ST8SIA1: variants seen among roughly 807,000 people sequenced by gnomAD.
ST8SIA1 encodes the protein ST8 alpha-N-acetyl-neuraminide alpha-2,8-sialyltransferase 1.
ST8SIA1 carries 16 observed loss-of-function variants against 35.9 expected under a neutral mutation model. The observed-to-expected ratio is 0.45, with a 90% CI of 0.30 to 0.68. ST8SIA1 has a LOEUF of 0.68. ST8SIA1 is among the 30% of genes least tolerant of loss of function. The pLI, the probability that ST8SIA1 is intolerant of heterozygous loss-of-function variation, is 0.09. For synonymous variants in ST8SIA1, 170 were observed against 169.6 expected, an observed-to-expected ratio of 1.00 and a Z score of -0.02; for missense variants, 383 against 453.6, an observed-to-expected ratio of 0.84 and a Z score of 1.41.
At chr12:22,216,941 T>A (rs1423542775) in intron 4 of ST8SIA1, among the ~76,000 whole-genome samples, 1 of 152,244 alleles carries the variant, frequency 6.6e-6, no homozygotes, top group African/African-American at 2.4e-5. Context: ...ACATTTTCTA[T>A]CACTGGCTTT....
chr12:22,298,841 G>C (rs1403828371), intron 1 of ST8SIA1, among the ~76,000 whole-genome samples: 1 of 152,156 alleles, frequency 6.6e-6, no homozygotes, highest in Non-Finnish European at 1.5e-5. Context: ...TGATAGAAAA[G>C]TGCAAAGGTA....
chr12:22,234,297 A>G (rs1565573547), intron 4 of ST8SIA1, among the ~76,000 whole-genome samples: 1 of 152,156 alleles, frequency 6.6e-6, no homozygotes, highest in African/African-American at 2.4e-5. Flanking sequence ...ACTATAAAGA[A>G]AAAAACACTG....
In ST8SIA1 at chr12:22,193,627, G is replaced by A. The variant is rs922785541; in HGVS notation, c.*7925C>T. 3 of 152,148 alleles carry A rather than the reference G, an allele frequency of 2.0e-5. No individual in the cohort carries two copies. The highest frequency in any genetic ancestry group is 7.2e-5 in the African/African-American group (3 of 41,432). The allele number at this position is 152,148 out of a possible 1,614,324, so 9.4% of individuals were successfully genotyped here. A position where few individuals can be genotyped will look rare whatever the true frequency, so the allele number is the denominator to read the frequency against. On this transcript the variant is annotated 3_prime_UTR_variant, in exon 5 of 5. Transcript: ENST00000396037. The stretch of plus-strand genomic sequence containing the variant: ...AGATACTAATTTTTCTAATCACACC[G>A]TAGAAAGTACCAATTAAAGTTTTCT...
At chr12:22,265,723 C>CCT (rs993852677) in intron 2 of ST8SIA1, among the ~76,000 whole-genome samples, 4 of 152,056 alleles carry the variant, frequency 2.6e-5, no homozygotes, top group African/African-American at 9.7e-5. Context: ...GTAACACCTC[C>CCT]CTCTGCAGAG....
chr12:22,302,846 G>A (rs1866334710), intron 1 of ST8SIA1, among the ~76,000 whole-genome samples: 1 of 152,024 alleles, frequency 6.6e-6, no homozygotes, highest in South Asian at 2.1e-4. Flanking sequence ...CAAAAAGGGT[G>A]CAACCATTTG....
intron 4 of ST8SIA1, among the ~76,000 whole-genome samples, chr12:22,246,482 T>A (rs1865604008): frequency 6.6e-6 from 1 of 152,180 alleles, no homozygotes; most frequent in Non-Finnish European, 1.5e-5. Flanking sequence ...CTAAAATCTT[T>A]AGAAACTCCA....
chr12:22,281,992 A>T (rs978642233), intron 2 of ST8SIA1, among the ~76,000 whole-genome samples: 5 of 152,132 alleles, frequency 3.3e-5, no homozygotes, highest in African/African-American at 1.2e-4. Flanking sequence ...TTTATCAAAC[A>T]GAGCAAGACC....
At chr12:22,203,712 G>A (rs1296775811) in intron 4 of ST8SIA1, among the ~76,000 whole-genome samples, 1 of 152,098 alleles carries the variant, frequency 6.6e-6, no homozygotes, top group Non-Finnish European at 1.5e-5. Context: ...ACAAATTCCT[G>A]CTTCCCAACT....
chr12:22,328,451 T>A (rs1866709744), intron 1 of ST8SIA1, among the ~76,000 whole-genome samples: 1 of 152,228 alleles, frequency 6.6e-6, no homozygotes, highest in African/African-American at 2.4e-5. Context: ...ATATTTTTAA[T>A]ACATCATCAC....
chr12:22,253,028 G>T (rs1865691676), intron 3 of ST8SIA1, among the ~76,000 whole-genome samples: 1 of 152,134 alleles, frequency 6.6e-6, no homozygotes, highest in Non-Finnish European at 1.5e-5. Context: ...AGAGCAATTT[G>T]AAAATTTAAA....
intron 1 of ST8SIA1, among the ~76,000 whole-genome samples, chr12:22,314,177 C>G (rs1188653388): frequency 6.6e-6 from 1 of 152,144 alleles, no homozygotes; most frequent in Non-Finnish European, 1.5e-5. Context: ...AAACTGACAA[C>G]ATGGCTACAT....
intron 4 of ST8SIA1, among the ~76,000 whole-genome samples, chr12:22,247,451 T>C (rs1190313372): frequency 2.0e-5 from 3 of 151,768 alleles, no homozygotes; most frequent in African/African-American, 4.9e-5. Flanking sequence ...ATAAATTGTT[T>C]TAATAAAAAA....
intron 4 of ST8SIA1, among the ~76,000 whole-genome samples, chr12:22,226,810 C>T (rs1388002144): frequency 6.6e-6 from 1 of 152,214 alleles, no homozygotes; most frequent in African/African-American, 2.4e-5. Flanking sequence ...ATCCTTTGTT[C>T]TCCTAACCAC....
intron 1 of ST8SIA1, among the ~76,000 whole-genome samples, chr12:22,323,029 G>T (rs998414169): frequency 6.6e-6 from 1 of 152,108 alleles, no homozygotes; most frequent in African/African-American, 2.4e-5. Flanking sequence ...GAAAGCTATT[G>T]CTTTTTAAAT....
rs1254934875 is a variant in ST8SIA1, at chr12:22,315,263, G to A, written c.236+18734C>T. ...ATTCTATCACTTGCAAATAAGAAGC[G>A]TCTATTTCTGTCATTTTTCCTACTC... On this transcript the variant is annotated intron_variant, in intron 1 of 4. Transcript: ENST00000396037. Among the ~76,000 whole-genome samples the A allele has an allele frequency of 3.3e-5, 5 of 151,864 alleles. 1 individual carries two copies. Among genetic ancestry groups the A allele is most frequent in the East Asian group, 3.9e-4 (2 of 5,166 alleles).
At chr12:22,255,626 T>C (rs560706174) in intron 2 of ST8SIA1, among the ~76,000 whole-genome samples, 1 of 152,148 alleles carries the variant, frequency 6.6e-6, no homozygotes, top group South Asian at 2.1e-4. Flanking sequence ...TATAACAACA[T>C]TTATTTTTTT....
intron 4 of ST8SIA1, among the ~76,000 whole-genome samples, chr12:22,239,464 C>T (rs1865515044): frequency 6.6e-6 from 1 of 152,110 alleles, no homozygotes; most frequent in Admixed American, 6.6e-5. Flanking sequence ...GATGTCTTTC[C>T]ATTTCAACAA....
chr12:22,253,301 T>C (rs1409540265), intron 3 of ST8SIA1, among the ~76,000 whole-genome samples: 3 of 152,162 alleles, frequency 2.0e-5, no homozygotes, highest in African/African-American at 7.2e-5. Flanking sequence ...AGAGGGTGCC[T>C]GAAGGTGGTT....
In ST8SIA1 at chr12:22,194,814, C is replaced by T. The variant is rs1048700915; in HGVS notation, c.*6738G>A. The T allele has an allele frequency of 6.6e-6, 1 of 152,122 alleles. No individual in the cohort carries two copies. Among genetic ancestry groups the T allele is most frequent in the Non-Finnish European group, 1.5e-5 (1 of 68,050 alleles). The allele number at this position is 152,122 out of a possible 1,614,324, so 9.4% of individuals were successfully genotyped here. ...AAGTGACACTTGCTGCTATCACTGCCTCATCATGACAGATGTAAATAATAA... is the reference window on the plus strand; with the variant it reads ...AAGTGACACTTGCTGCTATCACTGCTTCATCATGACAGATGTAAATAATAA... On this transcript the variant is annotated 3_prime_UTR_variant, in exon 5 of 5. Transcript: ENST00000396037.
Sources: allele counts gnomAD v4.1 joint callset (sites outside exome capture counted in the v4.1 genomes callset), GRCh38; gene constraint gnomAD v4.1.1; transcripts MANE v1.5; gene names NCBI Gene and HGNC (gene_info 2026-07-23, HGNC 2026-07-21).